Variants in CTBP2 observed in about 807,000 individuals in gnomAD.
CTBP2 encodes C-terminal binding protein 2.
In CTBP2, 30 loss-of-function variants were observed where a neutral mutation model predicts 80.3. The observed-to-expected ratio is 0.37, with a 90% CI of 0.28 to 0.51. The LOEUF is 0.51. Ranked by LOEUF, CTBP2 falls within the 20% of genes least tolerant of loss-of-function variation. The pLI is 0.93. For synonymous variants in CTBP2, 594 were observed against 587.4 expected (o/e 1.01, Z -0.16); for missense variants, 1,212 against 1,375.3 (o/e 0.88, Z 1.88).
intron 1 of CTBP2, among the ~76,000 whole-genome samples, chr10:125,138,500 C>T (rs1174306384): frequency 6.6e-6 from 1 of 152,022 alleles, no homozygotes; most frequent in East Asian, 1.9e-4. Flanking sequence ...CAGTCTCACG[C>T]TGAGGTTTCA....
At position 125,114,079 on chromosome 10, in the gene CTBP2, C is replaced by T. The variant is rs189831586; in HGVS notation, c.-205-2986G>A. ...CGTGGACTAGTGCCCCGAGGATTCA[C>T]CAGGGGATATTTTCTTGGCAGGATT... is the stretch of plus-strand genomic sequence containing the variant. On this transcript the variant is annotated intron_variant, in intron 1 of 10. Coordinates refer to the CTBP2 transcript ENST00000337195. 7.2e-5 allele frequency among the ~76,000 whole-genome samples: 11 copies of T among 152,292 alleles called. No individual in the cohort carries two copies. In the East Asian group the frequency reaches 2.1e-3, roughly 29 times the overall value.
Position 124,984,624 on chromosome 10 carries a change from A to T in CTBP2, c.*4894T>A. 4 of 732,270 alleles carry T rather than the reference A, an allele frequency of 5.5e-6. No individual in the cohort carries two copies. The highest frequency in any genetic ancestry group is 8.6e-6 in the Non-Finnish European group (4 of 464,440). The allele number at this position is 732,270 out of a possible 1,614,324, so 45.4% of individuals were successfully genotyped here. Reference sequence around the variant, plus strand: ...CAGAGCAAACTGGACTTTAATCACAAAACTTCCAAGAGGTCAAAACCATGT... The same window carrying T: ...CAGAGCAAACTGGACTTTAATCACATAACTTCCAAGAGGTCAAAACCATGT... On this transcript the variant is annotated 3_prime_UTR_variant, in exon 9 of 9. Coordinates refer to ENST00000309035, the MANE Select transcript of CTBP2 (RefSeq NM_022802.3).
intron 4 of CTBP2, chr10:124,996,227 G>A (rs1061072): frequency 0.13 from 19,976 of 150,294 alleles, 1,424 homozygotes; most frequent in Admixed American, 0.18. Flanking sequence ...TTTTAAAAGC[G>A]CAGCTCCCAC....
chr10:125,010,135 T>A (rs1214633080), intron 1 of CTBP2, among the ~76,000 whole-genome samples: 1 of 149,028 alleles, frequency 6.7e-6, no homozygotes, highest in Non-Finnish European at 1.5e-5. Context: ...AGCAGGGTGC[T>A]GATGAGCGGG....
chr10:125,143,569 T>C (rs1052913566), intron 1 of CTBP2, among the ~76,000 whole-genome samples: 1 of 152,246 alleles, frequency 6.6e-6, no homozygotes, highest in Admixed American at 6.5e-5. Flanking sequence ...TACCTATTTT[T>C]ATTTGATTTA....
chr10:124,993,106 A>C, intron 7 of CTBP2, 96 bp downstream of exon 9: 1 of 1,438,958 alleles, frequency 6.9e-7, no homozygotes, highest in Non-Finnish European at 9.3e-7. Context: ...AGTGAATTCT[A>C]CCTGTCGAGA....
At chr10:125,085,254 C>T (rs1247112151) in intron 2 of CTBP2, among the ~76,000 whole-genome samples, 1 of 152,202 alleles carries the variant, frequency 6.6e-6, no homozygotes, top group Non-Finnish European at 1.5e-5. Flanking sequence ...AACATTTTTA[C>T]CAACAGCATA....
chr10:124,998,293 T>C, intron 3 of CTBP2, 123 bp from the exon 6 acceptor site: 8 of 1,127,680 alleles, frequency 7.1e-6, no homozygotes, highest in East Asian at 2.6e-5. Context: ...CACCTTATCG[T>C]CTAGCAGACG....
At chr10:125,019,628 G>T (rs929067410) in intron 1 of CTBP2, among the ~76,000 whole-genome samples, 1 of 152,120 alleles carries the variant, frequency 6.6e-6, no homozygotes, top group African/African-American at 2.4e-5. Context: ...GGCTGAATGG[G>T]ACCCCTACCT....
At chr10:125,025,246 C>T (rs1957419904) in intron 1 of CTBP2, among the ~76,000 whole-genome samples, 1 of 152,146 alleles carries the variant, frequency 6.6e-6, no homozygotes, top group African/African-American at 2.4e-5. Context: ...AACTGATTTA[C>T]ATTTTAAATT....
chr10:125,159,041 G>A (rs1005563791), intron 1 of CTBP2, among the ~76,000 whole-genome samples: 4 of 151,608 alleles, frequency 2.6e-5, no homozygotes, highest in Non-Finnish European at 5.9e-5. Flanking sequence ...GCGGGAGAAA[G>A]GCCCAGGCAC....
At chr10:125,055,298 G>A (rs756639989) in intron 2 of CTBP2, among the ~76,000 whole-genome samples, 28 of 152,352 alleles carry the variant, frequency 1.8e-4, no homozygotes, top group Non-Finnish European at 3.5e-4. Flanking sequence ...GGAACACCAT[G>A]AGCCGAGGCA....
chr10:125,079,462 C>T (rs1397048673), intron 2 of CTBP2, among the ~76,000 whole-genome samples: 1 of 152,230 alleles, frequency 6.6e-6, no homozygotes, highest in Non-Finnish European at 1.5e-5. Flanking sequence ...GAATGCCATA[C>T]TCCGCATTCT....
Position 124,984,744 on chromosome 10 carries a change from T to C in CTBP2, c.*4774A>G. ...CCAAGTCTCTGATCTGTTGTATGAT[T>C]TTCCCTTTGTCTTCATATTCCTCCA... On this transcript the variant is annotated 3_prime_UTR_variant, in exon 9 of 9. Coordinates refer to ENST00000309035, the MANE Select transcript of CTBP2 (RefSeq NM_022802.3). The C allele has an allele frequency of 6.2e-7, 1 of 1,604,632 alleles. No homozygotes were observed. The highest frequency in any genetic ancestry group is 8.5e-7 in the Non-Finnish European group (1 of 1,173,998).
chr10:124,992,577 G>T, intron 8 of CTBP2, 118 bp downstream of exon 10: 2 of 654,038 alleles, frequency 3.1e-6, no homozygotes, highest in Admixed American at 5.7e-5. Flanking sequence ...AAGGCTGATT[G>T]TTCTGACCCT....
chr10:125,153,162 T>C (rs573164276), intron 1 of CTBP2, among the ~76,000 whole-genome samples: 13 of 152,366 alleles, frequency 8.5e-5, no homozygotes, highest in African/African-American at 2.2e-4. Flanking sequence ...GAGGACAATG[T>C]TGGGCTTCCC....
intron 2 of CTBP2, among the ~76,000 whole-genome samples, chr10:125,040,027 A>G (rs995511672): frequency 6.6e-6 from 1 of 152,020 alleles, no homozygotes; most frequent in African/African-American, 2.4e-5. Flanking sequence ...TCTCAGGAGG[A>G]TCTGAGCACT....
upstream of CTBP2, chr10:125,162,440 GC>G (rs1472183263): frequency 6.6e-6 from 1 of 152,294 alleles, no homozygotes. Flanking sequence ...CTTAAATCCT[GC>G]CCCAGCCCGC....
chr10:125,132,266 CCAG>C (rs1856305434), intron 1 of CTBP2, among the ~76,000 whole-genome samples: 1 of 151,922 alleles, frequency 6.6e-6, no homozygotes, highest in Non-Finnish European at 1.5e-5. Context: ...AAACCTTAGA[CCAG>C]CATCATTTTA....
Sources: allele counts gnomAD v4.1 joint callset (sites outside exome capture counted in the v4.1 genomes callset), GRCh38; gene constraint gnomAD v4.1.1; transcripts MANE v1.5; gene names NCBI Gene and HGNC (gene_info 2026-07-23, HGNC 2026-07-21).